The following AGPAT4 variants were observed in gnomAD, a reference collection of about 807,000 sequenced individuals.
AGPAT4 encodes 1-acylglycerol-3-phosphate O-acyltransferase 4, also known as 1-acyl-sn-glycerol-3-phosphate acyltransferase delta.
AGPAT4 carries 15 observed loss-of-function variants against 48.0 expected under a neutral mutation model. The ratio of observed to expected loss-of-function variants is 0.31; its 90% CI spans 0.21 to 0.48. The LOEUF (loss-of-function observed/expected upper bound fraction) is 0.48. Among genes scored for constraint, AGPAT4 ranks in the 20% least tolerant of loss-of-function variants. The probability of loss-of-function intolerance (pLI) is 0.99; values close to 1 mark genes in which losing one functional copy is unlikely to be tolerated. For missense variants in AGPAT4, 314 were observed against 482.5 expected (o/e 0.65, Z 3.27); for synonymous variants, 178 against 198.7 (o/e 0.90, Z 0.88).
intron 3 of AGPAT4, among the ~76,000 whole-genome samples, chr6:161,156,987 TTGC>T (rs1455762705): frequency 1.3e-5 from 2 of 152,270 alleles, no homozygotes; most frequent in Admixed American, 6.5e-5. Context: ...AATGACTGGC[TTGC>T]TGTTAATAAA....
chr6:161,196,822 A>AAG lies in AGPAT4; in HGVS notation c.179-30406_179-30405insCT, dbSNP rs1430050318. ...AGACTCTATCTCCCCCCGCCAAAAA[A>AAG]AAAAAAAAAATGCCAAGGAGAGGAA... is the stretch of plus-strand genomic sequence containing the variant. On this transcript the variant is annotated intron_variant, in intron 2 of 8. Coordinates refer to ENST00000320285, the MANE Select transcript of AGPAT4 (RefSeq NM_020133.3). This position sits in a 1 kb window ranked among gnomAD's most constrained non-coding sequence, Gnocchi z 4.3. Among the ~76,000 whole-genome samples, 18 of 151,828 alleles carry AAG rather than the reference A, an allele frequency of 1.2e-4. No homozygotes were observed. The highest frequency in any genetic ancestry group is 4.4e-4 in the African/African-American group (18 of 41,352).
rs973022749 is a variant in AGPAT4, at chr6:161,143,006, C to T, written c.844-3386G>A. 6.6e-6 allele frequency among the ~76,000 whole-genome samples: 1 copy of T among 152,238 alleles called. No individual in the cohort carries two copies. The highest frequency in any genetic ancestry group is 1.5e-5 in the Non-Finnish European group (1 of 68,044). On this transcript the variant is annotated intron_variant, in intron 7 of 8. Transcript: ENST00000320285. The surrounding 1 kb of genome is among the most constrained non-coding windows in gnomAD (Gnocchi z 4.7). Reference sequence around the variant, plus strand: ...CGGGCCACCATGCCTGCACCCTGAACTCTGCACCCCACCCAGAGCTGCTCC... The same window carrying T: ...CGGGCCACCATGCCTGCACCCTGAATTCTGCACCCCACCCAGAGCTGCTCC...
At chr6:161,182,740 C>T (rs1780637574) in intron 2 of AGPAT4, among the ~76,000 whole-genome samples, 2 of 152,238 alleles carry the variant, frequency 1.3e-5, no homozygotes, top group African/African-American at 4.8e-5. Context: ...TACAATAAGG[C>T]CTGAGAGGCG....
In AGPAT4 at chr6:161,153,958, C is replaced by T. The variant is rs552321051; in HGVS notation, c.510+191G>A. On this transcript the variant is annotated intron_variant, in intron 4 of 8. Coordinates refer to ENST00000320285, the MANE Select transcript of AGPAT4 (RefSeq NM_020133.3). ...GGTCATACACGGCCCCACAGTCATA[C>T]GTGGCCCCACGGTCACACACGGCCC... 26 of 722,090 alleles carry T rather than the reference C, an allele frequency of 3.6e-5. No individual in the cohort carries two copies. The East Asian group carries it at 4.5e-4, about 13-fold the overall frequency. The allele number at this position is 722,090 out of a possible 1,614,324, so 44.7% of individuals were successfully genotyped here. A position where few individuals can be genotyped will look rare whatever the true frequency, so the allele number is the denominator to read the frequency against.
chr6:161,194,005 C>T (rs941231394), intron 2 of AGPAT4, among the ~76,000 whole-genome samples: 24 of 152,286 alleles, frequency 1.6e-4, no homozygotes, highest in East Asian at 7.7e-4. Flanking sequence ...GAAGGTTACA[C>T]GCAATCACTG....
rs1288902792 is a variant in AGPAT4, at chr6:161,231,433, T to C, written c.178+603A>G. 6.6e-6 allele frequency among the ~76,000 whole-genome samples: 1 copy of C among 150,726 alleles called. No homozygotes were observed. Among genetic ancestry groups the C allele is most frequent in the Non-Finnish European group, 1.5e-5 (1 of 68,032 alleles). ...GAAATAGGAGTAGGGTTGTGGATTG[T>C]ATCAATGTCAATTTTCTCATTGGAA... On this transcript the variant is annotated intron_variant, in intron 2 of 8. Coordinates refer to ENST00000320285, the MANE Select transcript of AGPAT4 (RefSeq NM_020133.3). The surrounding 1 kb of genome is among the most constrained non-coding windows in gnomAD (Gnocchi z 5.3).
At position 161,238,446 on chromosome 6, in the gene AGPAT4, T is replaced by C. The variant is rs1051777310; in HGVS notation, c.-89-6144A>G. On this transcript the variant is annotated intron_variant, in intron 1 of 8. Coordinates refer to ENST00000320285, the MANE Select transcript of AGPAT4 (RefSeq NM_020133.3). The surrounding 1 kb of genome is among the most constrained non-coding windows in gnomAD (Gnocchi z 5.2). ...GCCAATGAGATGGTCGTCAACTCAGTTTTCCTTCTCTACCTATCTAGATCA... is the reference window on the plus strand; with the variant it reads ...GCCAATGAGATGGTCGTCAACTCAGCTTTCCTTCTCTACCTATCTAGATCA... 1.3e-5 allele frequency among the ~76,000 whole-genome samples: 2 copies of C among 152,220 alleles called. No homozygotes were observed. Among genetic ancestry groups the C allele is most frequent in the Non-Finnish European group, 2.9e-5 (2 of 68,034 alleles).
chr6:161,190,640 G>A (rs1780898738), intron 2 of AGPAT4, among the ~76,000 whole-genome samples: 1 of 148,794 alleles, frequency 6.7e-6, no homozygotes, highest in African/African-American at 2.5e-5. Flanking sequence ...CAAAGGAGTA[G>A]AAAGATTCTC....
Position 161,264,467 on chromosome 6 carries a change from C to T in AGPAT4, c.-90+9471G>A, listed in dbSNP as rs1436749418. On this transcript the variant is annotated intron_variant, in intron 1 of 8. Coordinates refer to ENST00000320285, the MANE Select transcript of AGPAT4 (RefSeq NM_020133.3). This position sits in a 1 kb window ranked among gnomAD's most constrained non-coding sequence, Gnocchi z 6.8. ...CACTGGGACCAATACTCCCCACTTC[C>T]AGACCTAACGTGGGGGCTGTTCTTC... 6.6e-6 allele frequency among the ~76,000 whole-genome samples: 1 copy of T among 152,204 alleles called. No individual in the cohort carries two copies. The highest frequency in any genetic ancestry group is 2.4e-5 in the African/African-American group (1 of 41,454).
At position 161,259,467 on chromosome 6, in the gene AGPAT4, G is replaced by A. The variant is rs542358333; in HGVS notation, c.-90+14471C>T. Among the ~76,000 whole-genome samples the A allele has an allele frequency of 8.6e-5, 13 of 151,932 alleles. No homozygotes were observed. The highest frequency in any genetic ancestry group is 1.4e-4 in the African/African-American group (6 of 41,394). ...AGAGCCACCCGGTCTTTTGCAGGGC[G>A]GTCTGGAGTTGGTTGAGTCTAGAGT... On this transcript the variant is annotated intron_variant, in intron 1 of 8. Transcript: ENST00000320285. This position sits in a 1 kb window ranked among gnomAD's most constrained non-coding sequence, Gnocchi z 4.9.
At position 161,130,881 on chromosome 6, in the gene AGPAT4, C is replaced by A. The variant is rs1179761534; in HGVS notation, c.*5659G>T. ...TCCTTCCTCATGATCTGCAAAGATACAGAGAGAATGGCATTCCAAAATTCC... is the reference window on the plus strand; with the variant it reads ...TCCTTCCTCATGATCTGCAAAGATAAAGAGAGAATGGCATTCCAAAATTCC... On this transcript the variant is annotated 3_prime_UTR_variant, in exon 9 of 9. Transcript: ENST00000320285. The A allele has an allele frequency of 5.8e-6, 3 of 518,886 alleles. No homozygotes were observed. The highest frequency in any genetic ancestry group is 1.2e-5 in the Non-Finnish European group (3 of 259,868). The allele number at this position is 518,886 out of a possible 1,614,324, so 32.1% of individuals were successfully genotyped here. A position where few individuals can be genotyped will look rare whatever the true frequency, so the allele number is the denominator to read the frequency against.
rs1780279457 is a variant in AGPAT4, at chr6:161,171,991, CCTT to C, written c.179-5577_179-5575del. On this transcript the variant is annotated intron_variant, in intron 2 of 8. Coordinates refer to ENST00000320285, the MANE Select transcript of AGPAT4 (RefSeq NM_020133.3). This position sits in a 1 kb window ranked among gnomAD's most constrained non-coding sequence, Gnocchi z 4.4. ...GAACATAGCATCCCTGAAATATTTA[CCTT>C]CTTGTCTAGGCATCCAAACTAACAC... Among the ~76,000 whole-genome samples, 2 of 152,188 alleles carry C rather than the reference CCTT, an allele frequency of 1.3e-5. No individual in the cohort carries two copies. Among genetic ancestry groups the C allele is most frequent in the African/African-American group, 4.8e-5 (2 of 41,460 alleles).
chr6:161,192,888 C>T (rs1212486400), intron 2 of AGPAT4, among the ~76,000 whole-genome samples: 6 of 152,124 alleles, frequency 3.9e-5, no homozygotes, highest in Admixed American at 2.0e-4. Context: ...TTTAGGGTGT[C>T]GCTCTTTGGA....
At position 161,259,672 on chromosome 6, in the gene AGPAT4, G is replaced by C. The variant is rs1384153069; in HGVS notation, c.-90+14266C>G. On this transcript the variant is annotated intron_variant, in intron 1 of 8. Coordinates refer to ENST00000320285, the MANE Select transcript of AGPAT4 (RefSeq NM_020133.3). This position sits in a 1 kb window ranked among gnomAD's most constrained non-coding sequence, Gnocchi z 4.9. ...AGAGCAGAGCCTTACCCCAACTGTG[G>C]GGTCCCAGGTCACCGCACAGTTCAC... Among the ~76,000 whole-genome samples the C allele has an allele frequency of 6.6e-6, 1 of 152,096 alleles. No homozygotes were observed. Among genetic ancestry groups the C allele is most frequent in the African/African-American group, 2.4e-5 (1 of 41,430 alleles).
rs927829565 is a variant in AGPAT4, at chr6:161,138,694, A to C, written c.1042+728T>G. ...GCACGTGATCTCTGTGTGCTTGGAC[A>C]ATGTGCCGTCTCTCCCGGGCTCTCC... On this transcript the variant is annotated intron_variant, in intron 8 of 8. Coordinates refer to ENST00000320285, the MANE Select transcript of AGPAT4 (RefSeq NM_020133.3). The surrounding 1 kb of genome is among the most constrained non-coding windows in gnomAD (Gnocchi z 4.8). Among the ~76,000 whole-genome samples, 1 of 152,132 alleles carries C rather than the reference A, an allele frequency of 6.6e-6. No homozygotes were observed. Among genetic ancestry groups the C allele is most frequent in the African/African-American group, 2.4e-5 (1 of 41,430 alleles).
At position 161,249,066 on chromosome 6, in the gene AGPAT4, A is replaced by G. The variant is rs192794673; in HGVS notation, c.-89-16764T>C. On this transcript the variant is annotated intron_variant, in intron 1 of 8. Transcript: ENST00000320285. This position sits in a 1 kb window ranked among gnomAD's most constrained non-coding sequence, Gnocchi z 6.2. ...AGCTGACAAAAACAAGCAATGGGGA[A>G]AGGACTCCCTATTCAATAAACAGTG... Among the ~76,000 whole-genome samples, 1 of 152,340 alleles carries G rather than the reference A, an allele frequency of 6.6e-6. No individual in the cohort carries two copies. The highest frequency in any genetic ancestry group is 1.9e-4 in the East Asian group (1 of 5,184).
rs1054944139 is a variant in AGPAT4 at position 161,178,574 on chromosome 6, C to T, written c.179-12157G>A. 6.6e-6 allele frequency among the ~76,000 whole-genome samples: 1 copy of T among 152,204 alleles called. No individual in the cohort carries two copies. Among genetic ancestry groups the T allele is most frequent in the Non-Finnish European group, 1.5e-5 (1 of 68,038 alleles). On this transcript the variant is annotated intron_variant, in intron 2 of 8. Transcript: ENST00000320285. The surrounding 1 kb of genome is among the most constrained non-coding windows in gnomAD (Gnocchi z 5.1). ...GAAAGGGAATTCCCGGACCCCTGCA[C>T]TTCCCGGGTGAGGCGATGCCCCACC...
rs1779371412 is a variant in AGPAT4 at position 161,144,931 on chromosome 6, A to G, written c.843+1593T>C. Among the ~76,000 whole-genome samples, 1 of 152,026 alleles carries G rather than the reference A, an allele frequency of 6.6e-6. No homozygotes were observed. Among genetic ancestry groups the G allele is most frequent in the African/African-American group, 2.4e-5 (1 of 41,296 alleles). The stretch of plus-strand genomic sequence containing the variant: ...AGGAGGCAGAGCTTGCAGTGAGCCG[A>G]GATCGCGCCACTGCACTCCAGCCTG... On this transcript the variant is annotated intron_variant, in intron 7 of 8. Transcript: ENST00000320285. This position sits in a 1 kb window ranked among gnomAD's most constrained non-coding sequence, Gnocchi z 6.6.
intron 2 of AGPAT4, among the ~76,000 whole-genome samples, chr6:161,199,487 G>C (rs1457895348): frequency 6.6e-6 from 1 of 152,192 alleles, no homozygotes; most frequent in Non-Finnish European, 1.5e-5. Flanking sequence ...GACAGATTCT[G>C]CTGCCCACAA....
Sources: gnomAD v4.1 joint callset for allele counts (sites outside exome capture counted in the v4.1 genomes callset) on GRCh38, gnomAD v4.1.1 for gene constraint, Gnocchi (gnomAD v3.1) non-coding constraint, MANE v1.5 for transcripts, NCBI Gene and HGNC (gene_info 2026-07-23, HGNC 2026-07-21) for gene names.